Variants in TANC2 observed in about 807,000 individuals in gnomAD.
The protein encoded by TANC2 is protein TANC2.
In TANC2, 26 loss-of-function variants were observed where a neutral mutation model predicts 210.5. That is an observed-to-expected ratio of 0.12 (90% CI 0.09 to 0.17). TANC2 has a LOEUF of 0.17. Among genes scored for constraint, TANC2 ranks in the 10% least tolerant of loss-of-function variants. TANC2 has a pLI of 1.00. For synonymous variants in TANC2, 931 were observed against 967.1 expected, an observed-to-expected ratio of 0.96 and a Z score of 0.69; for missense variants, 2,129 against 2,608.9, an observed-to-expected ratio of 0.82 and a Z score of 4.01.
chr17:63,075,840 T>G (rs2036554133), intron 3 of TANC2, among the ~76,000 whole-genome samples: 1 of 152,074 alleles, frequency 6.6e-6, no homozygotes, highest in South Asian at 2.1e-4. Context: ...TATAAAAAAC[T>G]ATCAATAATG....
chr17:63,140,434 A>G (rs1411364827), intron 4 of TANC2, among the ~76,000 whole-genome samples: 3 of 152,178 alleles, frequency 2.0e-5, no homozygotes, highest in Non-Finnish European at 4.4e-5. Context: ...TGCTGCTTCA[A>G]TCTTGTAGTT....
At chr17:62,989,993 G>A (rs933737605) in intron 1 of TANC2, among the ~76,000 whole-genome samples, 1 of 151,896 alleles carries the variant, frequency 6.6e-6, no homozygotes, top group Non-Finnish European at 1.5e-5. Flanking sequence ...AGTCTGGTCT[G>A]CTCTTGAACT....
At chr17:63,015,781 A>G (rs2034080490) in intron 2 of TANC2, among the ~76,000 whole-genome samples, 1 of 151,964 alleles carries the variant, frequency 6.6e-6, no homozygotes, top group Admixed American at 6.6e-5. Context: ...AAATTAAATG[A>G]GCTATAAAGA....
chr17:63,334,455 A>G (rs1452501284), intron 11 of TANC2, among the ~76,000 whole-genome samples: 1 of 149,984 alleles, frequency 6.7e-6, no homozygotes, highest in Non-Finnish European at 1.5e-5. Flanking sequence ...TTATTAAATC[A>G]ATAATAAATA....
chr17:62,981,056 C>T (rs2032272532), intron 1 of TANC2, among the ~76,000 whole-genome samples: 1 of 152,174 alleles, frequency 6.6e-6, no homozygotes, highest in Non-Finnish European at 1.5e-5. Flanking sequence ...GAGCAAACAG[C>T]TATGTTGACT....
chr17:63,253,900 C>T (rs982326733), intron 8 of TANC2, among the ~76,000 whole-genome samples: 13 of 152,142 alleles, frequency 8.5e-5, no homozygotes, highest in Admixed American at 4.6e-4. Flanking sequence ...CAGCCTGCCT[C>T]GGTCTCCCAA....
Position 63,003,136 on chromosome 17 carries a change from A to C in TANC2, c.-23-6401A>C, listed in dbSNP as rs182971856. Among the ~76,000 whole-genome samples the C allele has an allele frequency of 2.6e-5, 4 of 152,212 alleles. No individual in the cohort carries two copies. The East Asian group carries it at 5.8e-4, about 22-fold the overall frequency. ...TTGTGATCAATATTTGATATTGTCA[A>C]ACTTTTTAAAGTTAGCTCTTCTGGT... On this transcript the variant is annotated intron_variant, in intron 1 of 27. Transcript: ENST00000689528.
chr17:63,237,680 G>A, intron 7 of TANC2, 134 bp from the exon 8 acceptor site: 2 of 841,186 alleles, frequency 2.4e-6, no homozygotes, highest in South Asian at 3.8e-5. Context: ...CCTGCATATG[G>A]CAATCCAGTT....
intron 9 of TANC2, among the ~76,000 whole-genome samples, chr17:63,291,076 C>A (rs1453004410): frequency 6.6e-6 from 1 of 152,140 alleles, no homozygotes; most frequent in Non-Finnish European, 1.5e-5. Context: ...CCCCCTTCCC[C>A]CAGCTTCCTA....
intron 9 of TANC2, among the ~76,000 whole-genome samples, chr17:63,296,526 T>C (rs997456541): frequency 1.3e-5 from 2 of 152,092 alleles, no homozygotes; most frequent in Non-Finnish European, 2.9e-5. Context: ...TACACAGAAA[T>C]AGGAAAGTTT....
In TANC2 at chr17:62,986,505, T is replaced by G. The variant is rs117414840; in HGVS notation, c.-24+19756T>G. Reference sequence around the variant, plus strand: ...GCTGCTGGTCTGGTCCGGGGATATATCTGCTTGGGTGGACCACAGGGCTGT... The same window carrying G: ...GCTGCTGGTCTGGTCCGGGGATATAGCTGCTTGGGTGGACCACAGGGCTGT... On this transcript the variant is annotated intron_variant, in intron 1 of 27. Transcript: ENST00000689528. 5.6e-3 allele frequency among the ~76,000 whole-genome samples: 842 copies of G among 151,704 alleles called. 5 individuals are homozygous for G. The highest frequency in any genetic ancestry group is 0.016 in the South Asian group (75 of 4,796).
chr17:63,368,769 G>C lies in TANC2; in HGVS notation c.2583-10949G>C, dbSNP rs568314401. The stretch of plus-strand genomic sequence containing the variant: ...ACTACATGTGAAATGAAAAAGTAGA[G>C]ACCACTACCATAGACTCAACTTCCC... On this transcript the variant is annotated intron_variant, in intron 14 of 27. Transcript: ENST00000689528. Among the ~76,000 whole-genome samples the C allele has an allele frequency of 1.6e-4, 24 of 152,286 alleles. No individual in the cohort carries two copies. The South Asian group carries it at 4.6e-3, about 29-fold the overall frequency.
chr17:63,325,684 A>G (rs1355097661), intron 11 of TANC2, among the ~76,000 whole-genome samples: 2 of 152,260 alleles, frequency 1.3e-5, no homozygotes, highest in Non-Finnish European at 2.9e-5. Context: ...ATATTTGTGA[A>G]TGAATGAAAA....
Position 63,412,549 on chromosome 17 carries a change from G to A in TANC2, c.3899-131G>A, listed in dbSNP as rs563362930. On this transcript the variant is annotated intron_variant, in intron 23 of 27. Transcript: ENST00000689528. The surrounding 1 kb of genome is among the most constrained non-coding windows in gnomAD (Gnocchi z 4.2). ...TCCCCAAGCCCACAGACCTATAGAC[G>A]AGGGTTGGCTGATATGCTGGCTTTG... 38 of 846,038 alleles carry A rather than the reference G, an allele frequency of 4.5e-5. No individual in the cohort carries two copies. In the South Asian group the frequency reaches 4.9e-4, roughly 11 times the overall value. 52.4% of individuals were successfully genotyped at this position (846,038 alleles called of 1,614,324 possible). A position where few individuals can be genotyped will look rare whatever the true frequency, so the allele number is the denominator to read the frequency against.
chr17:62,983,137 C>T (rs1033102954), intron 1 of TANC2, among the ~76,000 whole-genome samples: 8 of 151,996 alleles, frequency 5.3e-5, no homozygotes, highest in South Asian at 2.1e-4. Context: ...ATCAGTATTT[C>T]GTAGTTTTTC....
chr17:63,427,507 G>T (rs2147474049), exon 28 of TANC2: 1 of 152,372 alleles, frequency 6.6e-6, no homozygotes, highest in Middle Eastern at 3.4e-3. Flanking sequence ...CTACCCCTGT[G>T]TATAAGGAAA....
At chr17:63,278,161 G>T (rs534685388) in intron 9 of TANC2, among the ~76,000 whole-genome samples, 1 of 152,248 alleles carries the variant, frequency 6.6e-6, no homozygotes, top group Admixed American at 6.6e-5. Context: ...GTCTTAAGGA[G>T]AAGGATAAGG....
intron 8 of TANC2, among the ~76,000 whole-genome samples, chr17:63,253,499 C>A (rs78446857): frequency 0.01 from 1,545 of 152,254 alleles, 14 homozygotes; most frequent in Middle Eastern, 0.031. Context: ...AGGGTATTAC[C>A]GAAGAAACCT....
At chr17:63,308,341 T>G (rs2044996574) in intron 9 of TANC2, among the ~76,000 whole-genome samples, 1 of 152,304 alleles carries the variant, frequency 6.6e-6, no homozygotes, top group South Asian at 2.1e-4. Context: ...TGCTGTTTCA[T>G]TGGTGTCTCC....
Sources: allele counts gnomAD v4.1 joint callset (sites outside exome capture counted in the v4.1 genomes callset), GRCh38; gene constraint gnomAD v4.1.1; non-coding constraint Gnocchi (gnomAD v3.1); transcripts MANE v1.5; gene names NCBI Gene and HGNC (gene_info 2026-07-23, HGNC 2026-07-21).